RPGRIP1L: variants seen among roughly 807,000 people sequenced by gnomAD.
RPGRIP1L encodes the protein protein fantom.
Under a neutral mutation model 160.4 loss-of-function variants are expected in RPGRIP1L, and 131 were observed. That is an observed-to-expected ratio of 0.82 (90% CI 0.71 to 0.94). The LOEUF (loss-of-function observed/expected upper bound fraction) is 0.94, where lower values mean the gene tolerates loss of function less well. Ranked by LOEUF, RPGRIP1L falls within the 40% of genes least tolerant of loss-of-function variation. The probability of loss-of-function intolerance (pLI) is 0.00; values close to 1 mark genes in which losing one functional copy is unlikely to be tolerated. For synonymous variants in RPGRIP1L, 510 were observed against 515.8 expected (o/e 0.99, Z 0.15); for missense variants, 1,522 against 1,535.8 (o/e 0.99, Z 0.15).
chr16:53,615,156 A>G (rs1264732432), intron 24 of RPGRIP1L, among the ~76,000 whole-genome samples: 1 of 152,194 alleles, frequency 6.6e-6, no homozygotes, highest in East Asian at 1.9e-4. Flanking sequence ...TCCAAAAGAC[A>G]GACTGTTCCA....
intron 23 of RPGRIP1L, among the ~76,000 whole-genome samples, chr16:53,620,615 T>C (rs1314400363): frequency 6.6e-6 from 1 of 152,152 alleles, no homozygotes; most frequent in Admixed American, 6.5e-5. Flanking sequence ...GTCATTAAAG[T>C]GATGGTCTTT....
chr16:53,700,822 G>C (rs1055678441), intron 1 of RPGRIP1L, 92 bp from the exon 2 acceptor site: 2 of 892,030 alleles, frequency 2.2e-6, no homozygotes, highest in African/African-American at 1.7e-5. Context: ...AAAGGGACTA[G>C]AACTTTAATG....
At chr16:53,648,626 G>GCGCGCACACACACA (rs1555602385) in intron 16 of RPGRIP1L, among the ~76,000 whole-genome samples, 36 of 144,088 alleles carry the variant, frequency 2.5e-4, no homozygotes, top group Non-Finnish European at 4.1e-4. Flanking sequence ...GCGCGCGCGC[G>GCGCGCACACACACA]CACACACACA....
Position 53,605,625 on chromosome 16 carries a change from A to G in RPGRIP1L, c.3702-11T>C. Reference sequence around the variant, plus strand: ...ACGGTGAAGCGAAGGCTGGTAAGGCAGAGATCAGAGAAAGTCACCACCAAG... The same window carrying G: ...ACGGTGAAGCGAAGGCTGGTAAGGCGGAGATCAGAGAAAGTCACCACCAAG... On this transcript the variant is annotated splice_polypyrimidine_tract_variant and intron_variant, in intron 25 of 26. Coordinates refer to ENST00000647211, the MANE Select transcript of RPGRIP1L (RefSeq NM_015272.5). 1 of 1,613,788 alleles carries G rather than the reference A, an allele frequency of 6.2e-7. No homozygotes were observed.
At chr16:53,697,180 T>C (rs1388526024) in intron 2 of RPGRIP1L, among the ~76,000 whole-genome samples, 4 of 150,158 alleles carry the variant, frequency 2.7e-5, no homozygotes, top group Admixed American at 1.3e-4. Context: ...AGAGCGAGAC[T>C]CTGTCTCAAA....
chr16:53,599,056 G>T lies in RPGRIP1L; in HGVS notation c.*3020C>A, dbSNP rs1006660255. On this transcript the variant is annotated 3_prime_UTR_variant, in exon 27 of 27. Transcript: ENST00000647211. Reference sequence around the variant, plus strand: ...CTTGTTAGAACATGTGTAAGAACTGGTTTTCATTTTCACAGCTCTTGATGT... The same window carrying T: ...CTTGTTAGAACATGTGTAAGAACTGTTTTTCATTTTCACAGCTCTTGATGT... 6.6e-6 allele frequency: 1 copy of T among 152,088 alleles called. No homozygotes were observed. The highest frequency in any genetic ancestry group is 2.4e-5 in the African/African-American group (1 of 41,416). 9.4% of individuals were successfully genotyped at this position (152,088 alleles called of 1,614,324 possible).
chr16:53,686,790 T>C (rs1365519478), intron 5 of RPGRIP1L, among the ~76,000 whole-genome samples: 1 of 152,182 alleles, frequency 6.6e-6, no homozygotes, highest in Non-Finnish European at 1.5e-5. Flanking sequence ...TATAAGATAA[T>C]GTCCTAGGCA....
At chr16:53,630,872 A>G (rs1005044788) in intron 22 of RPGRIP1L, among the ~76,000 whole-genome samples, 11 of 152,074 alleles carry the variant, frequency 7.2e-5, no homozygotes, top group African/African-American at 2.4e-4. Flanking sequence ...AGCTGGAATT[A>G]CAGGTGCCCG....
chr16:53,690,925 T>C (rs370218965), intron 4 of RPGRIP1L, among the ~76,000 whole-genome samples: 30 of 152,250 alleles, frequency 2.0e-4, no homozygotes, highest in African/African-American at 6.7e-4. Flanking sequence ...GTATTCAGAG[T>C]CTACTGCCAA....
intron 26 of RPGRIP1L, among the ~76,000 whole-genome samples, chr16:53,602,592 A>G (rs916654100): frequency 6.6e-6 from 1 of 152,086 alleles, no homozygotes; most frequent in African/African-American, 2.4e-5. Context: ...CCTGACCAAC[A>G]TGGAGAAACC....
At chr16:53,683,731 T>C (rs1598396084) in intron 6 of RPGRIP1L, among the ~76,000 whole-genome samples, 1 of 142,334 alleles carries the variant, frequency 7.0e-6, no homozygotes, top group Admixed American at 7.0e-5. Flanking sequence ...AGGGAAAAAA[T>C]AATTCAAGAA....
intron 9 of RPGRIP1L, among the ~76,000 whole-genome samples, chr16:53,668,122 A>G (rs910335231): frequency 2.6e-5 from 4 of 151,658 alleles, no homozygotes; most frequent in African/African-American, 9.7e-5. Context: ...AATTAAATTC[A>G]TATTTACATC....
intron 25 of RPGRIP1L, among the ~76,000 whole-genome samples, chr16:53,606,990 A>C (rs191976083): frequency 2.6e-5 from 4 of 152,326 alleles, no homozygotes; most frequent in Admixed American, 6.5e-5. Context: ...AAATAATTAT[A>C]AAGAGTACAG....
intron 2 of RPGRIP1L, 131 bp from the exon 3 acceptor site, chr16:53,696,426 A>G: frequency 1.1e-6 from 1 of 887,466 alleles, no homozygotes; most frequent in Non-Finnish European, 1.8e-6. Flanking sequence ...AGATTGCTTT[A>G]GAAAATGTTG....
chr16:53,649,779 C>T (rs147836915), intron 15 of RPGRIP1L, among the ~76,000 whole-genome samples: 6 of 152,296 alleles, frequency 3.9e-5, no homozygotes, highest in South Asian at 4.1e-4. Flanking sequence ...TCATGGACAT[C>T]GTATGTCCTT....
chr16:53,703,724 G>T, intron 1 of RPGRIP1L, 79 bp downstream of exon 1: 1 of 278,304 alleles, frequency 3.6e-6, no homozygotes, highest in East Asian at 8.5e-5. Context: ...CGGACCCTAG[G>T]ACCCCGGCCC....
rs1189482005 is a variant in RPGRIP1L at position 53,641,606 on chromosome 16, C to T, written c.2684-131G>A. The T allele has an allele frequency of 1.3e-5, 10 of 791,360 alleles. No individual in the cohort carries two copies. The Admixed American group carries it at 2.1e-4, about 16-fold the overall frequency. 49.0% of individuals were successfully genotyped at this position (791,360 alleles called of 1,614,324 possible). On this transcript the variant is annotated intron_variant, in intron 17 of 26. Coordinates refer to ENST00000647211, the MANE Select transcript of RPGRIP1L (RefSeq NM_015272.5). ...ATGTGAACTAGCCAGGTGGTTGTAC[C>T]CCCTACTTTAAAAATAATTTTGGCT...
At chr16:53,676,954 GA>G (rs1425030752) in intron 6 of RPGRIP1L, among the ~76,000 whole-genome samples, 1 of 152,046 alleles carries the variant, frequency 6.6e-6, no homozygotes, top group Non-Finnish European at 1.5e-5. Context: ...ATACTTTTAA[GA>G]AAATTAAGAT....
chr16:53,702,149 G>A (rs1971462411), intron 1 of RPGRIP1L, among the ~76,000 whole-genome samples: 1 of 152,192 alleles, frequency 6.6e-6, no homozygotes. Context: ...TAAGTGTTCT[G>A]TTATAGGAAT....
Sources: allele counts gnomAD v4.1 joint callset (sites outside exome capture counted in the v4.1 genomes callset), GRCh38; gene constraint gnomAD v4.1.1; transcripts MANE v1.5; gene names NCBI Gene and HGNC (gene_info 2026-07-23, HGNC 2026-07-21).